The following WNT2B variants were observed in gnomAD, a reference collection of about 807,000 sequenced individuals.
WNT2B encodes the protein Wnt family member 2B.
In WNT2B, 19 loss-of-function variants were observed where a neutral mutation model predicts 40.5. That is an observed-to-expected ratio of 0.47 (90% CI 0.33 to 0.69). WNT2B has a LOEUF of 0.69. WNT2B is among the 30% of genes least tolerant of loss of function. WNT2B has a pLI of 0.02. For synonymous variants in WNT2B, 220 were observed against 211.9 expected (o/e 1.04, Z -0.33); for missense variants, 467 against 556.4 (o/e 0.84, Z 1.62).
At chr1:112,510,018 C>T (rs909945954) in intron 1 of WNT2B, among the ~76,000 whole-genome samples, 2 of 152,194 alleles carry the variant, frequency 1.3e-5, no homozygotes, top group Non-Finnish European at 2.9e-5. Context: ...AGGCATTTGT[C>T]TTCAGCCACC....
At chr1:112,497,865 G>T (rs1474381474) in intron 1 of WNT2B, among the ~76,000 whole-genome samples, 1 of 151,626 alleles carries the variant, frequency 6.6e-6, no homozygotes, top group Non-Finnish European at 1.5e-5. Flanking sequence ...AGTACCCCGA[G>T]CACTTTGCTG....
In WNT2B at chr1:112,468,406, C is replaced by T. The variant is rs559116547; in HGVS notation, c.-95+815C>T. Reference sequence around the variant, plus strand: ...TTTCCATAGTGGTTGTACTAATTTACATTCCCACCATCAGTGTATAAGAGT... The same window carrying T: ...TTTCCATAGTGGTTGTACTAATTTATATTCCCACCATCAGTGTATAAGAGT... On this transcript the variant is annotated intron_variant, in intron 1 of 4. Transcript: ENST00000256640. Among the ~76,000 whole-genome samples, 92 of 152,154 alleles carry T rather than the reference C, an allele frequency of 6.0e-4. 1 individual carries two copies. The highest frequency in any genetic ancestry group is 1.1e-3 in the Non-Finnish European group (78 of 68,026).
At chr1:112,495,575 C>T (rs1008519753) in intron 1 of WNT2B, among the ~76,000 whole-genome samples, 7 of 146,504 alleles carry the variant, frequency 4.8e-5, no homozygotes, top group Non-Finnish European at 8.9e-5. Flanking sequence ...GGTGACAGAG[C>T]GAGACTCTGT....
chr1:112,506,978 T>A (rs1652125599), upstream of WNT2B, among the ~76,000 whole-genome samples: 1 of 152,078 alleles, frequency 6.6e-6, no homozygotes, highest in Admixed American at 6.5e-5. Context: ...TCATCTGAAT[T>A]CTCTTCCTCC....
chr1:112,467,386 C>T (rs1174550862), exon 1 of WNT2B: 5 of 616,034 alleles, frequency 8.1e-6, no homozygotes, highest in Non-Finnish European at 1.5e-5. Context: ...GAGGTTTAAG[C>T]TTCGAGGCCC....
At chr1:112,496,427 C>T (rs75594559) in intron 1 of WNT2B, among the ~76,000 whole-genome samples, 6,190 of 152,202 alleles carry the variant, frequency 0.041, 191 homozygotes, top group Non-Finnish European at 0.063. Context: ...ATTCCAGCAT[C>T]AACTCAAAAG....
chr1:112,491,833 G>A (rs1488791849), intron 1 of WNT2B, among the ~76,000 whole-genome samples: 5 of 152,156 alleles, frequency 3.3e-5, no homozygotes, highest in Non-Finnish European at 7.4e-5. Flanking sequence ...TGAGGCTGCA[G>A]TGAGCCATGA....
intron 1 of WNT2B, among the ~76,000 whole-genome samples, chr1:112,478,221 A>G (rs1651110361): frequency 6.6e-6 from 1 of 152,088 alleles, no homozygotes; most frequent in Admixed American, 6.6e-5. Context: ...GCAACAAAGC[A>G]AGATGCTGTC....
chr1:112,473,828 G>A (rs6660079), intron 1 of WNT2B, among the ~76,000 whole-genome samples: 2,559 of 151,696 alleles, frequency 0.017, 82 homozygotes, highest in African/African-American at 0.058. Context: ...AGGCCGAGGC[G>A]GGTGGATCAT....
At chr1:112,494,185 C>T (rs999467326) in intron 1 of WNT2B, among the ~76,000 whole-genome samples, 7 of 151,080 alleles carry the variant, frequency 4.6e-5, no homozygotes, top group African/African-American at 1.7e-4. Flanking sequence ...TGGCGTGCGC[C>T]TGTAGTCCCA....
In WNT2B at chr1:112,520,283, C is replaced by T; in HGVS notation, c.950C>T (p.Ser317Phe). 1.2e-6 allele frequency: 2 copies of T among 1,613,626 alleles called. No individual in the cohort carries two copies. Among genetic ancestry groups the T allele is most frequent in the East Asian group, 2.2e-5 (1 of 44,874 alleles). Residue 317 changes from serine (S) to phenylalanine (F), a missense_variant, in exon 5 of 5, where the codon TCC becomes TTC. Around this residue, in one of 2 missense-constraint regions of WNT2B, gnomAD observed 330 missense variants for 438.6 expected, o/e 0.75. Transcript: ENST00000369684. ...DYCVLDKAAG[S>F]LGTAGRVCSK... ...CTCCCTCTCTTCCCCAACCCAGGTT[C>T]CCTAGGCACTGCAGGCCGTGTCTGC...
intron 1 of WNT2B, 72 bp from the exon 2 acceptor site, chr1:112,514,802 A>AC: frequency 6.8e-7 from 1 of 1,464,248 alleles, no homozygotes. Flanking sequence ...TGCTAAACGT[A>AC]CCCCTTCCTT....
intron 1 of WNT2B, among the ~76,000 whole-genome samples, chr1:112,470,524 G>A (rs1175648): frequency 4.1e-4 from 62 of 152,292 alleles, no homozygotes; most frequent in African/African-American, 1.3e-3. Context: ...GGAGGCAGAC[G>A]TTGCAGTGAG....
In WNT2B at chr1:112,485,225, C is replaced by T. The variant is rs148710022; in HGVS notation, c.-95+17634C>T. 2.3e-3 allele frequency among the ~76,000 whole-genome samples: 357 copies of T among 152,324 alleles called. 1 individual carries two copies. Among genetic ancestry groups the T allele is most frequent in the African/African-American group, 8.1e-3 (336 of 41,570 alleles). On this transcript the variant is annotated intron_variant, in intron 1 of 4. Coordinates refer to the WNT2B transcript ENST00000256640. Reference sequence around the variant, plus strand: ...CCTGTAATCCCAGCACTTTGGGAGGCCAATGCTGGCAGATCACCTGAGGTC... The same window carrying T: ...CCTGTAATCCCAGCACTTTGGGAGGTCAATGCTGGCAGATCACCTGAGGTC...
Position 112,520,353 on chromosome 1 carries a change from T to A in WNT2B, c.1020T>A (p.Cys340Ter). Residue 340 changes from cysteine to a stop codon, truncating the protein, a stop_gained, in exon 5 of 5, where the codon TGT becomes TGA. Coordinates refer to ENST00000369684, the MANE Select transcript of WNT2B (RefSeq NM_024494.3). LOFTEE classifies it high-confidence loss of function. ...CAGACGGTTGTGAAATCATGTGCTGTGGCCGAGGGTACGACACAACTCGAG... is the reference window on the plus strand; with the variant it reads ...CAGACGGTTGTGAAATCATGTGCTGAGGCCGAGGGTACGACACAACTCGAG... ...KGTDGCEIMC[C>*]GRGYDTTRVT... 1 of 1,614,166 alleles carries A rather than the reference T, an allele frequency of 6.2e-7. No homozygotes were observed. The highest frequency in any genetic ancestry group is 8.5e-7 in the Non-Finnish European group (1 of 1,180,020).
chr1:112,513,472 T>C lies in WNT2B; in HGVS notation c.183-1402T>C, dbSNP rs1349153862. Among the ~76,000 whole-genome samples, 19 of 151,316 alleles carry C rather than the reference T, an allele frequency of 1.3e-4. No homozygotes were observed. In the East Asian group the frequency reaches 3.1e-3, roughly 25 times the overall value. ...TTCCCGAAGAGGCAAGCATCAGCCC[T>C]CCTTGTGTTTGTTTGAGTTGGTGTC... On this transcript the variant is annotated intron_variant, in intron 1 of 4. Transcript: ENST00000369684.
chr1:112,507,205 G>C (rs1170667106), upstream of WNT2B, among the ~76,000 whole-genome samples: 1 of 152,050 alleles, frequency 6.6e-6, no homozygotes, highest in Non-Finnish European at 1.5e-5. Context: ...CCATCCCCTT[G>C]ACTGTGCTCT....
intron 1 of WNT2B, among the ~76,000 whole-genome samples, chr1:112,510,497 C>G (rs901697771): frequency 6.6e-6 from 1 of 152,164 alleles, no homozygotes; most frequent in Non-Finnish European, 1.5e-5. Flanking sequence ...CGTGCAAGCC[C>G]CCCTCCCCGA....
chr1:112,516,160 G>A lies in WNT2B; in HGVS notation c.424G>A (p.Val142Ile). ...MLRSSREAAF[V>I]YAISSAGVVH... The stretch of plus-strand genomic sequence containing the variant: ...TCTAGGTAGCCGAGAGGCAGCTTTT[G>A]TATATGCCATCTCATCAGCAGGGGT... Residue 142 changes from valine to isoleucine, a missense_variant, in exon 3 of 5, where the codon GTA (valine) becomes ATA (isoleucine). By Grantham distance (29) the Val-to-Ile change is conservative. This residue lies in a region of WNT2B where 330 missense variants were observed against 438.6 expected (regional missense o/e 0.75). Coordinates refer to ENST00000369684, the MANE Select transcript of WNT2B (RefSeq NM_024494.3). The A allele has an allele frequency of 3.7e-6, 6 of 1,613,416 alleles. No homozygotes were observed. The highest frequency in any genetic ancestry group is 5.1e-6 in the Non-Finnish European group (6 of 1,179,512).
Sources: gnomAD v4.1 joint callset for allele counts (sites outside exome capture counted in the v4.1 genomes callset) on GRCh38, gnomAD v4.1.1 for gene constraint, gnomAD v4.1.1 regional missense constraint, MANE v1.5 for transcripts, NCBI Gene and HGNC (gene_info 2026-07-23, HGNC 2026-07-21) for gene names.